The following FAM13C variants were observed in gnomAD, a reference collection of about 807,000 sequenced individuals.
The protein encoded by FAM13C is protein FAM13C.
A neutral mutation model predicts 73.2 loss-of-function variants in FAM13C; 37 were observed. That is an observed-to-expected ratio of 0.51 (90% CI 0.39 to 0.67). The LOEUF is 0.67. FAM13C is among the 30% of genes least tolerant of loss of function. The pLI, the probability that FAM13C is intolerant of heterozygous loss-of-function variation, is 0.00. For missense variants in FAM13C, 589 were observed against 715.6 expected (o/e 0.82, Z 2.02); for synonymous variants, 246 against 260.9 (o/e 0.94, Z 0.55).
At chr10:59,314,290 C>T (rs144423661) in intron 4 of FAM13C, among the ~76,000 whole-genome samples, 19 of 152,238 alleles carry the variant, frequency 1.2e-4, no homozygotes, top group East Asian at 9.7e-4. Flanking sequence ...ATTAATCTTC[C>T]GAGCCCCTGC....
chr10:59,307,675 A>G lies in FAM13C; in HGVS notation c.444-4811T>C, dbSNP rs1046773332. The stretch of plus-strand genomic sequence containing the variant: ...GGAACTTATATTCTCACGGAAGGAT[A>G]ACAAAAAGAAATAAACCAGTGATTA... On this transcript the variant is annotated intron_variant, in intron 4 of 13. Transcript: ENST00000618804. Among the ~76,000 whole-genome samples, 9 of 152,280 alleles carry G rather than the reference A, an allele frequency of 5.9e-5. 1 individual carries two copies. In the South Asian group the frequency reaches 1.9e-3, roughly 32 times the overall value.
At chr10:59,299,716 G>A (rs1046893827) in intron 5 of FAM13C, among the ~76,000 whole-genome samples, 4 of 151,992 alleles carry the variant, frequency 2.6e-5, no homozygotes, top group African/African-American at 7.2e-5. Context: ...CTAAGACCAA[G>A]GATTAAGGTG....
At chr10:59,354,538 A>T (rs946150847) in intron 2 of FAM13C, among the ~76,000 whole-genome samples, 1 of 152,178 alleles carries the variant, frequency 6.6e-6, no homozygotes, top group African/African-American at 2.4e-5. Context: ...CTTCACCTCT[A>T]TGATCCTCAT....
chr10:59,252,167 T>C (rs540280153), intron 12 of FAM13C, among the ~76,000 whole-genome samples: 170 of 152,328 alleles, frequency 1.1e-3, no homozygotes, highest in Non-Finnish European at 1.9e-3. Context: ...TTGCAAATTC[T>C]ACTCACTTCA....
intron 6 of FAM13C, among the ~76,000 whole-genome samples, chr10:59,281,663 C>T (rs541164715): frequency 6.6e-6 from 1 of 152,112 alleles, no homozygotes; most frequent in Non-Finnish European, 1.5e-5. Context: ...CTACATAAAC[C>T]CTGTATTTAT....
At chr10:59,267,322 A>G (rs1375757384) in intron 8 of FAM13C, among the ~76,000 whole-genome samples, 1 of 152,160 alleles carries the variant, frequency 6.6e-6, no homozygotes, top group Admixed American at 6.5e-5. Flanking sequence ...TGCAGAACCT[A>G]CTCATCTGTA....
At chr10:59,335,945 C>G (rs144961000) in intron 3 of FAM13C, among the ~76,000 whole-genome samples, 1 of 152,170 alleles carries the variant, frequency 6.6e-6, no homozygotes, top group South Asian at 2.1e-4. Flanking sequence ...GAGAGAAAAG[C>G]TTTTTTGAAT....
intron 3 of FAM13C, 135 bp from the exon 4 acceptor site, chr10:59,324,241 G>C: frequency 1.5e-6 from 1 of 660,534 alleles, no homozygotes; most frequent in Non-Finnish European, 2.5e-6. Flanking sequence ...TGTGGGAAGG[G>C]AGCCAATTCA....
intron 3 of FAM13C, among the ~76,000 whole-genome samples, chr10:59,335,132 A>G (rs2134131868): frequency 6.6e-6 from 1 of 152,266 alleles, no homozygotes; most frequent in South Asian, 2.1e-4. Flanking sequence ...TAATTTCCCA[A>G]CTAACAGTCA....
intron 3 of FAM13C, among the ~76,000 whole-genome samples, chr10:59,329,966 C>A (rs1203419971): frequency 6.6e-6 from 1 of 152,190 alleles, no homozygotes; most frequent in Non-Finnish European, 1.5e-5. Flanking sequence ...AGGTGCCTTT[C>A]TGAAGACCTT....
At chr10:59,292,029 C>T (rs1010209656) in intron 5 of FAM13C, among the ~76,000 whole-genome samples, 2 of 152,096 alleles carry the variant, frequency 1.3e-5, no homozygotes, top group Non-Finnish European at 2.9e-5. Context: ...ACCTCGTGGT[C>T]CGCCCACCTT....
At chr10:59,300,309 A>G (rs1847443201) in intron 5 of FAM13C, among the ~76,000 whole-genome samples, 1 of 152,240 alleles carries the variant, frequency 6.6e-6, no homozygotes, top group South Asian at 2.1e-4. Flanking sequence ...AACATATGGA[A>G]ACATCTGGAA....
chr10:59,330,576 T>C (rs190062465), intron 3 of FAM13C, among the ~76,000 whole-genome samples: 91 of 152,316 alleles, frequency 6.0e-4, no homozygotes, highest in African/African-American at 2.0e-3. Context: ...TTCTCTCTAA[T>C]GAGCTAGAGA....
At chr10:59,356,012 G>T in intron 1 of FAM13C, 69 bp from the exon 2 acceptor site, 2 of 1,435,430 alleles carry the variant, frequency 1.4e-6, no homozygotes, top group Non-Finnish European at 2.0e-6. Flanking sequence ...CAATAATCTA[G>T]AATTGTCTCA....
intron 4 of FAM13C, among the ~76,000 whole-genome samples, chr10:59,305,351 G>A (rs946830190): frequency 8.5e-5 from 13 of 152,278 alleles, no homozygotes; most frequent in Admixed American, 6.5e-4. Context: ...TTCTGAGACA[G>A]TCTGAATGCT....
chr10:59,302,918 T>C (rs1847768298), intron 4 of FAM13C, 54 bp from the exon 5 acceptor site: 1 of 1,535,842 alleles, frequency 6.5e-7, no homozygotes, highest in Non-Finnish European at 9.0e-7. Flanking sequence ...TTCAGTGATG[T>C]ACATGTGAAG....
chr10:59,247,661 G>C lies in FAM13C; in HGVS notation c.1711C>G (p.Leu571Val). 1 of 1,613,416 alleles carries C rather than the reference G, an allele frequency of 6.2e-7. No individual in the cohort carries two copies. The highest frequency in any genetic ancestry group is 8.5e-7 in the Non-Finnish European group (1 of 1,179,640). The change falls in exon 14 of 14, where the codon CTA becomes GTA. Residue 571 changes from leucine (L) to valine (V), a missense_variant. By Grantham distance (32) the Leu-to-Val change is conservative. Coordinates refer to ENST00000618804, the MANE Select transcript of FAM13C (RefSeq NM_198215.4). ...EYKHIKAKLRLLEVLISKQDV... is the reference protein window; with the variant it reads ...EYKHIKAKLRVLEVLISKQDV... ...TGCTTGCTGATGAGGACCTCTAATAGTCTCAGTTTGGCTTTTATGTGCTTA... is the reference window on the plus strand; with the variant it reads ...TGCTTGCTGATGAGGACCTCTAATACTCTCAGTTTGGCTTTTATGTGCTTA...
At chr10:59,267,707 A>C (rs959481742) in intron 8 of FAM13C, among the ~76,000 whole-genome samples, 3 of 152,204 alleles carry the variant, frequency 2.0e-5, no homozygotes, top group African/African-American at 7.2e-5. Context: ...ACTCACAAGA[A>C]CTTTCCAATT....
At chr10:59,301,404 C>G (rs534834725) in intron 5 of FAM13C, among the ~76,000 whole-genome samples, 1 of 152,314 alleles carries the variant, frequency 6.6e-6, no homozygotes, top group African/African-American at 2.4e-5. Flanking sequence ...AGGCAATCAG[C>G]GCAGTGAGCT....
Sources: allele counts gnomAD v4.1 joint callset (sites outside exome capture counted in the v4.1 genomes callset), GRCh38; gene constraint gnomAD v4.1.1; transcripts MANE v1.5; gene names NCBI Gene and HGNC (gene_info 2026-07-23, HGNC 2026-07-21).